Variants in LDB2 observed in about 807,000 individuals in gnomAD.
LDB2 encodes the protein LIM domain binding 2.
LDB2 carries 12 observed loss-of-function variants against 44.3 expected under a neutral mutation model. The observed-to-expected ratio is 0.27, with a 90% CI of 0.17 to 0.44. The LOEUF (loss-of-function observed/expected upper bound fraction) is 0.44, where lower values mean the gene tolerates loss of function less well. LDB2 is among the 20% of genes least tolerant of loss of function. The pLI is 1.00. For missense variants in LDB2, 344 were observed against 473.5 expected, an observed-to-expected ratio of 0.73 and a Z score of 2.54; for synonymous variants, 164 against 174.8, an observed-to-expected ratio of 0.94 and a Z score of 0.49.
intron 1 of LDB2, among the ~76,000 whole-genome samples, chr4:16,885,816 C>A (rs1228500438): frequency 1.3e-5 from 2 of 152,172 alleles, no homozygotes; most frequent in Non-Finnish European, 2.9e-5. Flanking sequence ...AGAGAGAGGT[C>A]TGGATTCAAG....
At chr4:16,712,918 A>G (rs1231428367) in intron 2 of LDB2, among the ~76,000 whole-genome samples, 1 of 152,254 alleles carries the variant, frequency 6.6e-6, no homozygotes, top group Non-Finnish European at 1.5e-5. Context: ...GTTTATAGCA[A>G]TTGTTTATAA....
chr4:16,795,547 G>A (rs1445143018), intron 1 of LDB2, among the ~76,000 whole-genome samples: 1 of 152,144 alleles, frequency 6.6e-6, no homozygotes, highest in Non-Finnish European at 1.5e-5. Flanking sequence ...AACAGCATTT[G>A]AGGTGGTTCA....
At position 16,582,373 on chromosome 4, in the gene LDB2, A is replaced by G. The variant is rs960159235; in HGVS notation, c.615+3549T>C. ...GCGCACTAAACTGCACTGCCTTCTC[A>G]TGGTTGCTGAATTGGATCCCTTCAT... On this transcript the variant is annotated intron_variant, in intron 5 of 7. Coordinates refer to ENST00000304523, the MANE Select transcript of LDB2 (RefSeq NM_001290.5). This position sits in a 1 kb window ranked among gnomAD's most constrained non-coding sequence, Gnocchi z 4.8. 2.0e-5 allele frequency among the ~76,000 whole-genome samples: 3 copies of G among 152,148 alleles called. No homozygotes were observed. The highest frequency in any genetic ancestry group is 7.2e-5 in the African/African-American group (3 of 41,422).
intron 2 of LDB2, among the ~76,000 whole-genome samples, chr4:16,617,833 C>T (rs1727756177): frequency 6.6e-6 from 1 of 152,126 alleles, no homozygotes; most frequent in South Asian, 2.1e-4. Context: ...AAATTGGAAG[C>T]ATGATAAATG....
intron 2 of LDB2, among the ~76,000 whole-genome samples, chr4:16,712,325 G>A (rs1435431246): frequency 2.0e-5 from 3 of 152,080 alleles, no homozygotes; most frequent in Admixed American, 6.6e-5. Flanking sequence ...AGGCTGAGGC[G>A]GGTGGATCAC....
At chr4:16,756,948 G>A (rs1413178603) in intron 2 of LDB2, among the ~76,000 whole-genome samples, 10 of 150,650 alleles carry the variant, frequency 6.6e-5, no homozygotes. Flanking sequence ...ATATGTGTGT[G>A]ATTGGGGATT....
At chr4:16,815,184 A>G (rs1780682041) in intron 1 of LDB2, among the ~76,000 whole-genome samples, 1 of 152,236 alleles carries the variant, frequency 6.6e-6, no homozygotes, top group South Asian at 2.1e-4. Context: ...AAGACAGTGT[A>G]AAATCCCACT....
chr4:16,609,350 G>GT (rs1724924911), intron 2 of LDB2, among the ~76,000 whole-genome samples: 2 of 130,518 alleles, frequency 1.5e-5, no homozygotes, highest in African/African-American at 6.3e-5. Flanking sequence ...AGGGGAGGGG[G>GT]CGGGGGGGGG....
chr4:16,579,836 A>G (rs549904356), intron 5 of LDB2, among the ~76,000 whole-genome samples: 2 of 152,332 alleles, frequency 1.3e-5, no homozygotes, highest in East Asian at 1.9e-4. Context: ...AGAGATATCT[A>G]CTGGGTACTT....
chr4:16,573,645 T>A (rs1747382609), intron 5 of LDB2, among the ~76,000 whole-genome samples: 1 of 152,236 alleles, frequency 6.6e-6, no homozygotes, highest in African/African-American at 2.4e-5. Flanking sequence ...TATAGTATCC[T>A]GGGCATTGAG....
At chr4:16,522,276 T>TTGTGTGTGTGCGTG (rs1553878109) in intron 5 of LDB2, among the ~76,000 whole-genome samples, 1 of 150,234 alleles carries the variant, frequency 6.7e-6, no homozygotes, top group Non-Finnish European at 1.5e-5. Flanking sequence ...GTGTGTGTGT[T>TTGTGTGTGTGCGTG]TGTGTGTGTG....
chr4:16,573,964 G>A (rs890713433), intron 5 of LDB2, among the ~76,000 whole-genome samples: 4 of 152,144 alleles, frequency 2.6e-5, no homozygotes, highest in African/African-American at 7.2e-5. Flanking sequence ...AAAAAACCTC[G>A]GCCGGATTCC....
intron 1 of LDB2, among the ~76,000 whole-genome samples, chr4:16,782,031 C>G (rs912136971): frequency 2.0e-5 from 3 of 152,230 alleles, no homozygotes; most frequent in Non-Finnish European, 2.9e-5. Flanking sequence ...CTGTTATTTT[C>G]AAGCCACCAG....
At chr4:16,892,927 A>T (rs968315956) in intron 1 of LDB2, 38 of 174,794 alleles carry the variant, frequency 2.2e-4, no homozygotes, top group Non-Finnish European at 4.1e-4. Context: ...ATGTGAGTTG[A>T]AAGTTCTTTT....
intron 7 of LDB2, chr4:16,507,023 C>G (rs536756837): frequency 6.6e-6 from 1 of 152,132 alleles, no homozygotes; most frequent in Non-Finnish European, 1.5e-5. Flanking sequence ...GCCATTTTCT[C>G]TATTCAAAAT....
chr4:16,678,309 C>G (rs1001679951), intron 2 of LDB2, among the ~76,000 whole-genome samples: 1 of 152,196 alleles, frequency 6.6e-6, no homozygotes, highest in Admixed American at 6.5e-5. Flanking sequence ...GTACCAGGCC[C>G]ACTGATAAAT....
chr4:16,742,074 C>CTTTTTT (rs33990510), intron 2 of LDB2, among the ~76,000 whole-genome samples: 50 of 128,298 alleles, frequency 3.9e-4, no homozygotes, highest in Non-Finnish European at 5.3e-4. Flanking sequence ...CTTTTCTTTT[C>CTTTTTT]TTTTTTTTTT....
At chr4:16,820,431 ACGAT>A (rs1010693373) in intron 1 of LDB2, among the ~76,000 whole-genome samples, 3 of 152,218 alleles carry the variant, frequency 2.0e-5, no homozygotes, top group African/African-American at 7.2e-5. Flanking sequence ...ACAAAGGAAC[ACGAT>A]CACTGCAGAT....
chr4:16,709,004 C>G (rs959087910), intron 2 of LDB2, among the ~76,000 whole-genome samples: 2 of 152,118 alleles, frequency 1.3e-5, no homozygotes, highest in African/African-American at 4.8e-5. Context: ...TACTCCCAAG[C>G]TGGGGTTTGA....
Sources: allele counts gnomAD v4.1 joint callset (sites outside exome capture counted in the v4.1 genomes callset), GRCh38; gene constraint gnomAD v4.1.1; non-coding constraint Gnocchi (gnomAD v3.1); transcripts MANE v1.5; gene names NCBI Gene and HGNC (gene_info 2026-07-23, HGNC 2026-07-21).